The following TAFA1 variants were observed in gnomAD, a reference collection of about 807,000 sequenced individuals.
TAFA1 encodes TAFA chemokine like family member 1, also known as chemokine-like protein TAFA-1.
In TAFA1, 4 loss-of-function variants were observed where a neutral mutation model predicts 18.5. The ratio of observed to expected loss-of-function variants is 0.22; its 90% CI spans 0.11 to 0.49. The LOEUF is 0.49. Among genes scored for constraint, TAFA1 ranks in the 20% least tolerant of loss-of-function variants. The probability of loss-of-function intolerance (pLI) is 0.98; values close to 1 mark genes in which losing one functional copy is unlikely to be tolerated. For missense variants in TAFA1, 147 were observed against 169.0 expected (o/e 0.87, Z 0.72); for synonymous variants, 56 against 55.2 (o/e 1.01, Z -0.06).
chr3:68,144,942 A>T (rs2065718698), intron 2 of TAFA1: 1 of 779,952 alleles, frequency 1.3e-6, no homozygotes. Context: ...TTGTGATGAT[A>T]ATATAAAATA....
chr3:68,205,214 G>A (rs995962739), intron 2 of TAFA1, among the ~76,000 whole-genome samples: 4 of 151,710 alleles, frequency 2.6e-5, no homozygotes, highest in African/African-American at 4.8e-5. Flanking sequence ...CAATAACAAG[G>A]GTTTGTGCTT....
At chr3:68,074,552 TATG>T (rs1401482403) in intron 2 of TAFA1, among the ~76,000 whole-genome samples, 1 of 152,180 alleles carries the variant, frequency 6.6e-6, no homozygotes, top group African/African-American at 2.4e-5. Context: ...AGCAAAGGGA[TATG>T]ATGACACTAA....
At chr3:68,229,053 C>G (rs1257893683) in intron 2 of TAFA1, among the ~76,000 whole-genome samples, 1 of 152,228 alleles carries the variant, frequency 6.6e-6, no homozygotes, top group Non-Finnish European at 1.5e-5. Context: ...AATATGGCAT[C>G]TGGCTCGACT....
chr3:68,042,878 C>CTTTTG (rs955627970), intron 2 of TAFA1, among the ~76,000 whole-genome samples: 2 of 151,930 alleles, frequency 1.3e-5, no homozygotes, highest in Non-Finnish European at 2.9e-5. Context: ...TTGTGCCATT[C>CTTTTG]TTTTGTTTTG....
chr3:68,124,337 C>T lies in TAFA1; in HGVS notation c.118+117593C>T, dbSNP rs1038428375. On this transcript the variant is annotated intron_variant, in intron 2 of 4. Transcript: ENST00000478136. ...CACTCTGTACTTTCTGAGAAAACTT[C>T]CTGGCTAATATGGGAGTTATCAGAT... Among the ~76,000 whole-genome samples, 7 of 152,254 alleles carry T rather than the reference C, an allele frequency of 4.6e-5. No individual in the cohort carries two copies. In the East Asian group the frequency reaches 1.4e-3, roughly 29 times the overall value.
chr3:68,027,543 A>G (rs1704842858), intron 2 of TAFA1, among the ~76,000 whole-genome samples: 1 of 152,220 alleles, frequency 6.6e-6, no homozygotes, highest in Non-Finnish European at 1.5e-5. Flanking sequence ...CAAGGTCACA[A>G]TAGGCAGCTG....
intron 2 of TAFA1, among the ~76,000 whole-genome samples, chr3:68,091,619 A>C (rs2065030543): frequency 6.6e-6 from 1 of 152,124 alleles, no homozygotes; most frequent in Non-Finnish European, 1.5e-5. Context: ...CAGATCAATG[A>C]ATTATATACT....
intron 2 of TAFA1, among the ~76,000 whole-genome samples, chr3:68,180,919 G>A (rs2066190045): frequency 6.6e-6 from 1 of 152,190 alleles, no homozygotes; most frequent in Non-Finnish European, 1.5e-5. Flanking sequence ...TTCTGAGATT[G>A]GGTTATAAAA....
chr3:68,171,333 G>T (rs2066050919), intron 2 of TAFA1, among the ~76,000 whole-genome samples: 1 of 152,126 alleles, frequency 6.6e-6, no homozygotes, highest in Admixed American at 6.5e-5. Flanking sequence ...GTTCTATAAA[G>T]CCTCCAGAAA....
chr3:68,105,553 C>G (rs111901466), intron 2 of TAFA1, among the ~76,000 whole-genome samples: 1,551 of 152,106 alleles, frequency 0.01, 29 homozygotes, highest in African/African-American at 0.034. Flanking sequence ...TGAAAAACAA[C>G]AACAACCATA....
chr3:68,112,759 T>TA (rs2065276175), intron 2 of TAFA1, among the ~76,000 whole-genome samples: 2 of 152,052 alleles, frequency 1.3e-5, no homozygotes. Context: ...AAAAATCAAT[T>TA]AAATTCCTCT....
In TAFA1 at chr3:68,538,874, C is replaced by G. The variant is rs367671954; in HGVS notation, c.378C>G (p.Thr126=). ...GCGCAACAGGCAACAAAATTAAGAC[C>G]ACGAGAGTAAGTGCACTTATTTCAA... ...WMCATGNKIK[T]TRIHPRT The change falls in exon 4 of 5, where the codon ACC becomes ACG. Residue 126 remains threonine (T), a synonymous_variant. Coordinates refer to ENST00000478136, the MANE Select transcript of TAFA1 (RefSeq NM_213609.4). 8.1e-6 allele frequency: 13 copies of G among 1,613,258 alleles called. No homozygotes were observed. The highest frequency in any genetic ancestry group is 9.3e-6 in the Non-Finnish European group (11 of 1,179,566).
At chr3:68,108,219 CA>C (rs1247862148) in intron 2 of TAFA1, among the ~76,000 whole-genome samples, 2 of 151,646 alleles carry the variant, frequency 1.3e-5, no homozygotes, top group Non-Finnish European at 2.9e-5. Flanking sequence ...TATTTCACGT[CA>C]AAAAAAGTAG....
At chr3:68,529,436 T>TAAAAAAAAAAAAAAAAA (rs533214097) in intron 3 of TAFA1, among the ~76,000 whole-genome samples, 3 of 77,050 alleles carry the variant, frequency 3.9e-5, no homozygotes, top group African/African-American at 1.4e-4. Flanking sequence ...CACCATTCTC[T>TAAAAAAAAAAAAAAAAA]AAAAAAAAAA....
intron 3 of TAFA1, among the ~76,000 whole-genome samples, chr3:68,419,606 G>A (rs2070916395): frequency 6.6e-6 from 1 of 152,148 alleles, no homozygotes. Context: ...AAGAAATCAG[G>A]AGGAGGACTC....
intron 2 of TAFA1, among the ~76,000 whole-genome samples, chr3:68,084,194 G>A (rs1374821080): frequency 1.3e-5 from 2 of 152,232 alleles, no homozygotes; most frequent in Non-Finnish European, 2.9e-5. Flanking sequence ...TTCCCTGATG[G>A]AGGAATATAG....
intron 2 of TAFA1, among the ~76,000 whole-genome samples, chr3:68,358,437 A>G (rs1397886749): frequency 1.3e-5 from 2 of 151,932 alleles, no homozygotes; most frequent in Non-Finnish European, 2.9e-5. Context: ...CATTGTTTTC[A>G]TCTAACAGGC....
chr3:68,123,971 T>C (rs1354256738), intron 2 of TAFA1, among the ~76,000 whole-genome samples: 2 of 147,112 alleles, frequency 1.4e-5, no homozygotes, highest in African/African-American at 5.0e-5. Flanking sequence ...TTCAGTAATC[T>C]TGGGTTTTTA....
intron 2 of TAFA1, among the ~76,000 whole-genome samples, chr3:68,271,859 C>T (rs1356807643): frequency 3.3e-5 from 5 of 151,692 alleles, no homozygotes; most frequent in Non-Finnish European, 7.4e-5. Context: ...CACACACACA[C>T]ATTTAAATAT....
Sources: allele counts gnomAD v4.1 joint callset (sites outside exome capture counted in the v4.1 genomes callset), GRCh38; gene constraint gnomAD v4.1.1; transcripts MANE v1.5; gene names NCBI Gene and HGNC (gene_info 2026-07-23, HGNC 2026-07-21).